Variants in DSE observed in about 807,000 individuals in gnomAD.
DSE encodes dermatan-sulfate epimerase.
DSE carries 36 observed loss-of-function variants against 84.4 expected under a neutral mutation model. The ratio of observed to expected loss-of-function variants is 0.43; its 90% confidence interval spans 0.33 to 0.56. The LOEUF (loss-of-function observed/expected upper bound fraction) is 0.56, where lower values mean the gene tolerates loss of function less well. Among genes scored for constraint, DSE ranks in the 20% least tolerant of loss-of-function variants. The pLI is 0.06. For missense variants in DSE, 862 were observed against 1,169.6 expected (o/e 0.74, Z 3.84); for synonymous variants, 410 against 430.1 (o/e 0.95, Z 0.58).
intron 2 of DSE, chr6:116,259,142 G>GT (rs1312235693): frequency 8.8e-7 from 1 of 1,138,220 alleles, no homozygotes; most frequent in Non-Finnish European, 1.3e-6. Flanking sequence ...GAGTGTCTCT[G>GT]TTGCTCGACG....
intron 2 of DSE, among the ~76,000 whole-genome samples, chr6:116,299,252 CAG>C (rs906546542): frequency 2.0e-5 from 3 of 151,866 alleles, no homozygotes; most frequent in African/African-American, 2.4e-5. Context: ...GCAAGAGAAA[CAG>C]AGGGAAATTT....
intron 2 of DSE, among the ~76,000 whole-genome samples, chr6:116,346,604 T>C (rs1434327268): frequency 6.6e-6 from 1 of 152,308 alleles, no homozygotes; most frequent in South Asian, 2.1e-4. Flanking sequence ...AAACTAGGTA[T>C]TGATGGGATG....
At chr6:116,401,425 A>G (rs990292951) in intron 2 of DSE, among the ~76,000 whole-genome samples, 1 of 152,098 alleles carries the variant, frequency 6.6e-6, no homozygotes, top group Non-Finnish European at 1.5e-5. Context: ...CTAAAAGCCA[A>G]TTTTTGACTT....
intron 2 of DSE, among the ~76,000 whole-genome samples, chr6:116,265,053 T>C (rs1202541691): frequency 6.6e-6 from 1 of 152,156 alleles, no homozygotes; most frequent in Non-Finnish European, 1.5e-5. Flanking sequence ...TTCGTTCACA[T>C]GTGCCAGCAG....
intron 2 of DSE, chr6:116,277,908 CAAAAAAAAAAAAAAAAA>C (rs57691187): frequency 1.7e-5 from 1 of 57,336 alleles, no homozygotes; most frequent in Non-Finnish European, 3.7e-5. Flanking sequence ...TCCTCCGTCT[CAAAAAAAAAAAAAAAAA>C]AAAAAAAAAG....
intron 1 of DSE, among the ~76,000 whole-genome samples, chr6:116,374,165 T>C (rs1779781374): frequency 1.3e-5 from 2 of 152,354 alleles, no homozygotes; most frequent in African/African-American, 4.8e-5. Flanking sequence ...TTCCAGATCC[T>C]CTTTCAGAAG....
chr6:116,301,881 C>T lies in DSE; in HGVS notation c.-54+42914C>T, dbSNP rs150773160. On this transcript the variant is annotated intron_variant, in intron 2 of 3. Coordinates refer to the DSE transcript ENST00000430252. Reference sequence around the variant, plus strand: ...ACTCCCACTTATGAGTGAGAACATGCGGTGTTTGGTTTTCTATTCCTGTGT... The same window carrying T: ...ACTCCCACTTATGAGTGAGAACATGTGGTGTTTGGTTTTCTATTCCTGTGT... 7.9e-3 allele frequency among the ~76,000 whole-genome samples: 1,205 copies of T among 152,204 alleles called. 22 individuals carry two copies. Among genetic ancestry groups the T allele is most frequent in the South Asian group, 0.052 (250 of 4,820 alleles).
chr6:116,307,899 G>A (rs1042893621), intron 2 of DSE, among the ~76,000 whole-genome samples: 21 of 152,338 alleles, frequency 1.4e-4, no homozygotes, highest in East Asian at 5.8e-4. Context: ...CTGGAAAAGC[G>A]TGAACAGTGA....
At chr6:116,395,231 C>T (rs1311740075) in intron 1 of DSE, among the ~76,000 whole-genome samples, 1 of 151,520 alleles carries the variant, frequency 6.6e-6, no homozygotes, top group Non-Finnish European at 1.5e-5. Flanking sequence ...CGAGACCATC[C>T]TGGCTAACAG....
rs779169990 is a variant in DSE, at chr6:116,436,654, G to A, written c.2186G>A (p.Ser729Asn). 1.6e-5 allele frequency: 26 copies of A among 1,614,068 alleles called. No homozygotes were observed. Among genetic ancestry groups the A allele is most frequent in the Non-Finnish European group, 1.9e-5 (22 of 1,180,036 alleles). The stretch of plus-strand genomic sequence containing the variant: ...TTTGACCGGAATTCAGCCATCAAGA[G>A]CAGCATTGTCCCTGAGGTGAAGGAC... ...ILFDRNSAIK[S>N]SIVPEVKDYA... The change falls in exon 6 of 6, where the codon AGC (serine) becomes AAC (asparagine). Residue 729 changes from serine (S) to asparagine (N), a missense_variant. Ser to Asn is a conservative substitution (Grantham distance 46, BLOSUM62 1). Coordinates refer to ENST00000644252, the MANE Select transcript of DSE (RefSeq NM_013352.4).
intron 4 of DSE, among the ~76,000 whole-genome samples, chr6:116,432,307 A>G (rs1783893111): frequency 6.6e-6 from 1 of 152,232 alleles, no homozygotes; most frequent in African/African-American, 2.4e-5. Flanking sequence ...AAAAGACAGT[A>G]TGAACATGTC....
chr6:116,346,712 G>A (rs1337504478), intron 2 of DSE, among the ~76,000 whole-genome samples: 1 of 152,176 alleles, frequency 6.6e-6, no homozygotes, highest in Non-Finnish European at 1.5e-5. Context: ...ACTAGCACAA[G>A]ACAGAGACGC....
At chr6:116,346,931 A>G (rs1381825121) in intron 2 of DSE, among the ~76,000 whole-genome samples, 1 of 152,234 alleles carries the variant, frequency 6.6e-6, no homozygotes. Flanking sequence ...GTCTCAGGAT[A>G]CAAAATCAAT....
intron 2 of DSE, among the ~76,000 whole-genome samples, chr6:116,310,348 A>G (rs901726167): frequency 3.9e-5 from 6 of 152,036 alleles, no homozygotes; most frequent in African/African-American, 1.5e-4. Context: ...ATATACTGAT[A>G]AATCCTGGGT....
intron 1 of DSE, 112 bp from the exon 2 acceptor site, chr6:116,399,086 C>T: frequency 1.1e-6 from 1 of 900,712 alleles, no homozygotes; most frequent in Non-Finnish European, 1.6e-6. Flanking sequence ...TTTTAAAAAT[C>T]TAAATTCATA....
chr6:116,389,429 T>A (rs1014922622), intron 1 of DSE, among the ~76,000 whole-genome samples: 1 of 152,174 alleles, frequency 6.6e-6, no homozygotes, highest in Non-Finnish European at 1.5e-5. Flanking sequence ...TGCTACCTCA[T>A]TTAATCTCCC....
At chr6:116,414,352 A>G (rs1782564557) in intron 2 of DSE, among the ~76,000 whole-genome samples, 1 of 152,176 alleles carries the variant, frequency 6.6e-6, no homozygotes, top group Non-Finnish European at 1.5e-5. Context: ...ATTTCATTAC[A>G]ATATAGATCT....
intron 2 of DSE, among the ~76,000 whole-genome samples, chr6:116,362,948 C>G (rs1778982636): frequency 6.6e-6 from 1 of 152,140 alleles, no homozygotes; most frequent in Admixed American, 6.5e-5. Context: ...CCCAAGTTAT[C>G]ATGGTTTATG....
chr6:116,281,695 G>C (rs182819399), intron 2 of DSE, among the ~76,000 whole-genome samples: 2,812 of 152,252 alleles, frequency 0.018, 35 homozygotes, highest in Middle Eastern at 0.041. Context: ...TCTGTTTATC[G>C]AGTGCCTAGC....
Sources: allele counts gnomAD v4.1 joint callset (sites outside exome capture counted in the v4.1 genomes callset), GRCh38; gene constraint gnomAD v4.1.1; transcripts MANE v1.5; gene names NCBI Gene and HGNC (gene_info 2026-07-23, HGNC 2026-07-21).